The following ALPL variants were observed in gnomAD, a reference collection of about 807,000 sequenced individuals.
ALPL encodes the protein alkaline phosphatase, biomineralization associated.
A neutral mutation model predicts 51.3 loss-of-function variants in ALPL; 42 were observed. That is an observed-to-expected ratio of 0.82 (90% CI 0.64 to 1.06). The LOEUF is 1.06. ALPL is among the 50% of genes least tolerant of loss of function. The pLI is 0.00. For missense variants in ALPL, 589 were observed against 709.4 expected (o/e 0.83, Z 1.93); for synonymous variants, 279 against 296.4 (o/e 0.94, Z 0.60).
chr1:21,532,483 G>A (rs545074099), intron 1 of ALPL, among the ~76,000 whole-genome samples: 4 of 152,230 alleles, frequency 2.6e-5, no homozygotes, highest in East Asian at 1.9e-4. Context: ...GAGCTACTGC[G>A]CCCAGCCCAA....
intron 1 of ALPL, among the ~76,000 whole-genome samples, chr1:21,539,193 G>C (rs1465324483): frequency 6.6e-6 from 1 of 151,864 alleles, no homozygotes; most frequent in Non-Finnish European, 1.5e-5. Context: ...ATTCTGGCTC[G>C]CTCACTTACT....
chr1:21,572,988 G>T (rs1377826638), intron 8 of ALPL, among the ~76,000 whole-genome samples: 1 of 152,208 alleles, frequency 6.6e-6, no homozygotes, highest in Non-Finnish European at 1.5e-5. Context: ...AGCCCTGCAG[G>T]CTGGAGGCAG....
chr1:21,523,356 AG>A (rs144118652), intron 1 of ALPL, among the ~76,000 whole-genome samples: 1,533 of 152,322 alleles, frequency 0.01, 31 homozygotes, highest in African/African-American at 0.034. Context: ...GTAAATGGCT[AG>A]TAAATGATAG....
intron 1 of ALPL, among the ~76,000 whole-genome samples, chr1:21,539,503 G>T (rs1558536164): frequency 6.6e-6 from 1 of 152,088 alleles, no homozygotes; most frequent in African/African-American, 2.4e-5. Context: ...CAAGACATTG[G>T]CATCCAAGCT....
At chr1:21,571,319 T>A (rs574895049) in intron 8 of ALPL, among the ~76,000 whole-genome samples, 1 of 152,320 alleles carries the variant, frequency 6.6e-6, no homozygotes, top group Admixed American at 6.5e-5. Flanking sequence ...GTCATGAGCA[T>A]GACATGAACT....
chr1:21,541,090 T>C lies in ALPL; in HGVS notation c.-104-12888T>C, dbSNP rs565133511. On this transcript the variant is annotated intron_variant, in intron 1 of 11. Transcript: ENST00000374840. ...CTGCAGCCATCCAGGTGAACAGGTC[T>C]CTGGGAAATCCCAAAGCATATGGTG... Among the ~76,000 whole-genome samples, 255 of 152,310 alleles carry C rather than the reference T, an allele frequency of 1.7e-3. 3 individuals carry two copies. The highest frequency in any genetic ancestry group is 3.7e-4 in the Non-Finnish European group (25 of 68,028).
At chr1:21,520,809 CA>C (rs1643876418) in intron 1 of ALPL, among the ~76,000 whole-genome samples, 1 of 152,160 alleles carries the variant, frequency 6.6e-6, no homozygotes, top group Non-Finnish European at 1.5e-5. Context: ...AAAGTATTCA[CA>C]TCATTTTGCA....
rs762915678 is a variant in ALPL at position 21,563,153 on chromosome 1, C to T, written c.341C>T (p.Ala114Val). The T allele has an allele frequency of 3.7e-6, 6 of 1,613,372 alleles. No individual in the cohort carries two copies. In the African/African-American group the frequency reaches 6.7e-5, roughly 18 times the overall value. ...CAGGTCCCTGACAGTGCCGGCACCG[C>T]CACCGCCTACCTGTGTGGGGTGAAG... Reference protein sequence around the residue: ...NAQVPDSAGTATAYLCGVKAN... With the variant: ...NAQVPDSAGTVTAYLCGVKAN... The change falls in exon 5 of 12, where the codon GCC becomes GTC. Residue 114 changes from alanine (A) to valine (V), a missense_variant. Coordinates refer to ENST00000374840, the MANE Select transcript of ALPL (RefSeq NM_000478.6).
At chr1:21,559,144 T>C (rs1644451576) in intron 2 of ALPL, among the ~76,000 whole-genome samples, 1 of 152,150 alleles carries the variant, frequency 6.6e-6, no homozygotes, top group Non-Finnish European at 1.5e-5. Flanking sequence ...TACACGGCCT[T>C]GGACAAGACC....
chr1:21,572,049 A>G (rs1644658105), intron 8 of ALPL, among the ~76,000 whole-genome samples: 1 of 152,128 alleles, frequency 6.6e-6, no homozygotes, highest in Non-Finnish European at 1.5e-5. Flanking sequence ...CCACTCAGGA[A>G]GCTGACGTGG....
chr1:21,513,899 C>T (rs1458476067), intron 1 of ALPL, among the ~76,000 whole-genome samples: 6 of 152,194 alleles, frequency 3.9e-5, no homozygotes, highest in East Asian at 3.8e-4. Context: ...GTCTCCACCA[C>T]GCCCCACTGC....
chr1:21,532,533 A>G (rs897141509), intron 1 of ALPL, among the ~76,000 whole-genome samples: 2 of 152,226 alleles, frequency 1.3e-5, no homozygotes, highest in Non-Finnish European at 2.9e-5. Context: ...ATGAGAAATA[A>G]GGAAACAAGA....
At chr1:21,511,108 G>C (rs1643679029) in intron 1 of ALPL, among the ~76,000 whole-genome samples, 1 of 152,186 alleles carries the variant, frequency 6.6e-6, no homozygotes, top group Non-Finnish European at 1.5e-5. Context: ...GCCAAGCTCT[G>C]TTCTAGGTGC....
At position 21,575,936 on chromosome 1, in the gene ALPL, T is replaced by G. The variant is rs1238052550; in HGVS notation, c.1189+12T>G. The G allele has an allele frequency of 6.2e-7, 1 of 1,614,172 alleles. No homozygotes were observed. Among genetic ancestry groups the G allele is most frequent in the East Asian group, 2.2e-5 (1 of 44,878 alleles). On this transcript the variant is annotated intron_variant, in intron 10 of 11. Coordinates refer to ENST00000374840, the MANE Select transcript of ALPL (RefSeq NM_000478.6). Reference sequence around the variant, plus strand: ...CAACTCTATCTTTGGTAGGTGGGCCTTCTTTGGGGTGGACACTCCTGGGGT... The same window carrying G: ...CAACTCTATCTTTGGTAGGTGGGCCGTCTTTGGGGTGGACACTCCTGGGGT...
intron 1 of ALPL, among the ~76,000 whole-genome samples, chr1:21,551,993 G>A (rs1303723828): frequency 2.7e-5 from 4 of 150,664 alleles, no homozygotes; most frequent in Admixed American, 2.6e-4. Flanking sequence ...CCAAAGTGCT[G>A]GGATTACAGG....
Position 21,569,212 on chromosome 1 carries a change from C to A in ALPL, c.792+965C>A, listed in dbSNP as rs115479578. Reference sequence around the variant, plus strand: ...GCTCAGGCTGGGCCAGAGCCCCCTCCAAGCTCAAGCCAGAGAGACACCAGC... The same window carrying A: ...GCTCAGGCTGGGCCAGAGCCCCCTCAAAGCTCAAGCCAGAGAGACACCAGC... On this transcript the variant is annotated intron_variant, in intron 7 of 11. Coordinates refer to ENST00000374840, the MANE Select transcript of ALPL (RefSeq NM_000478.6). 5.7e-3 allele frequency among the ~76,000 whole-genome samples: 866 copies of A among 152,272 alleles called. 6 individuals carry two copies. The highest frequency in any genetic ancestry group is 0.019 in the African/African-American group (786 of 41,544).
At chr1:21,543,084 G>C (rs1049647494) in intron 1 of ALPL, among the ~76,000 whole-genome samples, 4 of 152,066 alleles carry the variant, frequency 2.6e-5, no homozygotes, top group Admixed American at 1.3e-4. Flanking sequence ...AGGCTGCAGT[G>C]AACTATGATC....
rs1644741692 is a variant in ALPL, at chr1:21,576,639, A to G, written c.1307A>G (p.Tyr436Cys). The change falls in exon 11 of 12, where the codon TAT becomes TGT. Residue 436 changes from tyrosine (Y) to cysteine (C), a missense_variant and splice_region_variant. Transcript: ENST00000374840. ...CGAGAGAATGTCTCCATGGTGGACT[A>G]TGGTGAGACCTCCAGGACCCAGGGC... ...GERENVSMVD[Y>C]AHNNYQAQSA... The G allele has an allele frequency of 3.1e-6, 5 of 1,613,390 alleles. No homozygotes were observed. The highest frequency in any genetic ancestry group is 4.2e-6 in the Non-Finnish European group (5 of 1,179,554).
At chr1:21,574,171 TC>T in intron 9 of ALPL, 1 of 985,474 alleles carries the variant, frequency 1.0e-6, no homozygotes, top group Non-Finnish European at 1.2e-6. Context: ...GTGCTGATGT[TC>T]CCAGGCTCTT....
Sources: gnomAD v4.1 joint callset for allele counts (sites outside exome capture counted in the v4.1 genomes callset) on GRCh38, gnomAD v4.1.1 for gene constraint, MANE v1.5 for transcripts, NCBI Gene and HGNC (gene_info 2026-07-23, HGNC 2026-07-21) for gene names.